Variants in FARP1 observed in about 807,000 individuals in gnomAD.
FARP1 encodes FERM, ARH/RhoGEF and pleckstrin domain protein 1, also known as FERM, ARHGEF and pleckstrin domain-containing protein 1.
In FARP1, 52 loss-of-function variants were observed where a neutral mutation model predicts 128.8. That is an observed-to-expected ratio of 0.40 (90% CI 0.32 to 0.51). The LOEUF is 0.51. FARP1 is among the 20% of genes least tolerant of loss of function. The pLI is 0.45. For missense variants in FARP1, 1,333 were observed against 1,367.9 expected (o/e 0.97, Z 0.40); for synonymous variants, 580 against 551.8 (o/e 1.05, Z -0.72).
At chr13:98,193,444 GTCTACGAAGTGATGTCT>G (rs1879373716) in intron 1 of FARP1, among the ~76,000 whole-genome samples, 1 of 152,222 alleles carries the variant, frequency 6.6e-6, no homozygotes, top group African/African-American at 2.4e-5. Context: ...TGGGATCGTA[GTCTACGAAGTGATGTCT>G]TGTGTAGAGC....
chr13:98,435,934 G>T, intron 19 of FARP1: 1 of 615,772 alleles, frequency 1.6e-6, no homozygotes, highest in Non-Finnish European at 3.1e-6. Context: ...TCTCCTTACG[G>T]GGTGATTCGC....
At chr13:98,370,845 C>T (rs749389701) in intron 5 of FARP1, among the ~76,000 whole-genome samples, 16 of 152,120 alleles carry the variant, frequency 1.1e-4, no homozygotes, top group East Asian at 1.9e-4. Flanking sequence ...CTCAAATCAG[C>T]GAAGAAGGCA....
chr13:98,239,600 A>G (rs1411943163), intron 2 of FARP1, among the ~76,000 whole-genome samples: 4 of 152,162 alleles, frequency 2.6e-5, no homozygotes. Context: ...CGGATTAGGC[A>G]GTGCTGTTAG....
chr13:98,305,033 A>G (rs1391400303), intron 2 of FARP1, among the ~76,000 whole-genome samples: 1 of 152,176 alleles, frequency 6.6e-6, no homozygotes, highest in African/African-American at 2.4e-5. Flanking sequence ...AGAGAGAGAG[A>G]GAGAGGAGTG....
chr13:98,300,439 C>A (rs1043910345), intron 2 of FARP1, among the ~76,000 whole-genome samples: 1 of 152,200 alleles, frequency 6.6e-6, no homozygotes, highest in Non-Finnish European at 1.5e-5. Flanking sequence ...GCTTTGGGAG[C>A]CCTCTTGGTT....
At chr13:98,276,409 T>C (rs967937641) in intron 2 of FARP1, among the ~76,000 whole-genome samples, 1 of 152,134 alleles carries the variant, frequency 6.6e-6, no homozygotes, top group Non-Finnish European at 1.5e-5. Flanking sequence ...TGATTCATAA[T>C]ATTATGGCAT....
At chr13:98,343,246 A>G (rs146992192) in intron 2 of FARP1, among the ~76,000 whole-genome samples, 202 of 152,308 alleles carry the variant, frequency 1.3e-3, no homozygotes, top group East Asian at 0.01. Context: ...TGAAATTCAT[A>G]TGAAGCAGTG....
At chr13:98,286,874 A>G (rs1289843570) in intron 2 of FARP1, among the ~76,000 whole-genome samples, 1 of 152,242 alleles carries the variant, frequency 6.6e-6, no homozygotes, top group Non-Finnish European at 1.5e-5. Flanking sequence ...GATGGGCTTC[A>G]GGGATCCTTG....
At chr13:98,260,561 G>A (rs1372684079) in intron 2 of FARP1, among the ~76,000 whole-genome samples, 3 of 152,202 alleles carry the variant, frequency 2.0e-5, no homozygotes, top group Admixed American at 2.0e-4. Flanking sequence ...GCCTGTGAAA[G>A]CAAAACAATG....
At chr13:98,305,710 T>G (rs573044777) in intron 2 of FARP1, among the ~76,000 whole-genome samples, 2 of 152,280 alleles carry the variant, frequency 1.3e-5, no homozygotes, top group South Asian at 4.1e-4. Flanking sequence ...TCTTTCCTCA[T>G]TTCTGTCAAT....
chr13:98,212,873 G>T (rs1437314835), intron 1 of FARP1, among the ~76,000 whole-genome samples: 1 of 152,104 alleles, frequency 6.6e-6, no homozygotes, highest in Non-Finnish European at 1.5e-5. Context: ...CTAATGATAT[G>T]GTTTAGGCAC....
intron 2 of FARP1, among the ~76,000 whole-genome samples, chr13:98,232,192 CTGT>C (rs1423467128): frequency 6.4e-5 from 8 of 124,530 alleles, no homozygotes; most frequent in African/African-American, 2.7e-4. Context: ...CTTTAGGGGC[CTGT>C]TGTTTTTAAT....
At chr13:98,231,681 T>C (rs1467723621) in intron 2 of FARP1, among the ~76,000 whole-genome samples, 1 of 152,082 alleles carries the variant, frequency 6.6e-6, no homozygotes, top group Non-Finnish European at 1.5e-5. Flanking sequence ...TAAGGTGATC[T>C]GTCTGCCTTG....
chr13:98,393,958 G>A (rs1320847759), intron 12 of FARP1, among the ~76,000 whole-genome samples: 1 of 152,144 alleles, frequency 6.6e-6, no homozygotes, highest in Admixed American at 6.5e-5. Context: ...TCTCCCATGC[G>A]GTGCTCTAAG....
At chr13:98,314,328 G>A (rs1192014741) in intron 2 of FARP1, among the ~76,000 whole-genome samples, 2 of 137,790 alleles carry the variant, frequency 1.5e-5, no homozygotes, top group African/African-American at 5.5e-5. Context: ...TCGCCAGGCT[G>A]GAGTGCACTG....
chr13:98,284,371 A>G (rs1357151906), intron 2 of FARP1, among the ~76,000 whole-genome samples: 2 of 152,148 alleles, frequency 1.3e-5, no homozygotes, highest in African/African-American at 4.8e-5. Context: ...ATACATATCC[A>G]TAACTTGCCC....
intron 2 of FARP1, among the ~76,000 whole-genome samples, chr13:98,240,325 TTGG>T (rs1199104395): frequency 3.9e-5 from 6 of 152,128 alleles, no homozygotes; most frequent in African/African-American, 1.4e-4. Flanking sequence ...TGCTTTGGCC[TTGG>T]TGGGAGTCTT....
chr13:98,247,777 C>G (rs528265065), intron 2 of FARP1, among the ~76,000 whole-genome samples: 1 of 152,182 alleles, frequency 6.6e-6, no homozygotes, highest in South Asian at 2.1e-4. Context: ...AAAGTCCAGG[C>G]AAACAGAAAC....
intron 3 of FARP1, among the ~76,000 whole-genome samples, chr13:98,358,233 A>C (rs1390583648): frequency 1.3e-5 from 2 of 151,238 alleles, no homozygotes; most frequent in Admixed American, 1.3e-4. Context: ...CATCTCTTGC[A>C]CTCATGGATT....
Sources: allele counts gnomAD v4.1 joint callset (sites outside exome capture counted in the v4.1 genomes callset), GRCh38; gene constraint gnomAD v4.1.1; transcripts MANE v1.5; gene names NCBI Gene and HGNC (gene_info 2026-07-23, HGNC 2026-07-21).